The following STK11IP variants were observed in gnomAD, a reference collection of about 807,000 sequenced individuals.
The protein encoded by STK11IP is serine/threonine kinase 11 interacting protein, also known as serine/threonine-protein kinase 11-interacting protein.
Under a neutral mutation model 131.7 loss-of-function variants are expected in STK11IP, and 103 were observed. That is an observed-to-expected ratio of 0.78 (90% confidence interval 0.67 to 0.92). The LOEUF (loss-of-function observed/expected upper bound fraction) is 0.92. Ranked by LOEUF, STK11IP falls within the 40% of genes least tolerant of loss-of-function variation. The probability of loss-of-function intolerance (pLI) is 0.00; values close to 1 mark genes in which losing one functional copy is unlikely to be tolerated. For missense variants in STK11IP, 1,315 were observed against 1,385.7 expected, an observed-to-expected ratio of 0.95 and a Z score of 0.81; for synonymous variants, 557 against 575.6, an observed-to-expected ratio of 0.97 and a Z score of 0.46.
intron 7 of STK11IP, among the ~76,000 whole-genome samples, chr2:219,603,655 G>C (rs1271581972): frequency 6.6e-6 from 1 of 151,760 alleles, no homozygotes; most frequent in Non-Finnish European, 1.5e-5. Context: ...CGAGTAGCTG[G>C]GATTACAGGT....
intron 7 of STK11IP, among the ~76,000 whole-genome samples, chr2:219,605,353 C>T (rs985394783): frequency 1.3e-5 from 2 of 152,210 alleles, no homozygotes; most frequent in African/African-American, 4.8e-5. Flanking sequence ...CTTTTGGCAG[C>T]TTTGACTTTT....
chr2:219,615,529 A>C (rs2106170022), intron 24 of STK11IP, among the ~76,000 whole-genome samples, 188 bp downstream of exon 24: 1 of 152,288 alleles, frequency 6.6e-6, no homozygotes, highest in Non-Finnish European at 1.5e-5. Context: ...CAAGTCAGGG[A>C]GGCAGCTGTA....
intron 15 of STK11IP, 37 bp from the exon 16 acceptor site, chr2:219,609,060 C>T (rs1052087564): frequency 3.4e-6 from 5 of 1,471,102 alleles, no homozygotes; most frequent in Non-Finnish European, 3.7e-6. Flanking sequence ...ATCACCGCCC[C>T]TGCTGTTTTT....
rs1355758264 is a variant in STK11IP, at chr2:219,608,313, G to T, written c.1486G>T (p.Glu496Ter). Reference protein sequence around the residue: ...MSEEVRAEPQEEEEEKEGKEE... With the variant: ...MSEEVRAEPQ ...AGAGGAGGTCAGGGCGGAGCCACAG[G>T]AGGAGGAAGAGGAGAAGGAGGGGAA... The change falls in exon 14 of 25, where the codon GAG (glutamate) becomes TAG (stop). Residue 496 changes from glutamate (E) to a stop codon, truncating the protein, a stop_gained. Coordinates refer to ENST00000456909, the MANE Select transcript of STK11IP (RefSeq NM_052902.4). LOFTEE classifies it high-confidence loss of function. 6.2e-7 allele frequency: 1 copy of T among 1,605,292 alleles called. No homozygotes were observed. The highest frequency in any genetic ancestry group is 1.7e-5 in the Admixed American group (1 of 58,272).
rs771356049 is a variant in STK11IP at position 219,608,171 on chromosome 2, C to A, written c.1344C>A (p.Pro448=). The A allele has an allele frequency of 3.7e-6, 6 of 1,613,664 alleles. No homozygotes were observed. Among genetic ancestry groups the A allele is most frequent in the South Asian group, 1.1e-5 (1 of 91,082 alleles). The change falls in exon 14 of 25, where the codon CCC becomes CCA. Residue 448 remains proline (P), a synonymous_variant. Coordinates refer to ENST00000456909, the MANE Select transcript of STK11IP (RefSeq NM_052902.4). Reference sequence around the variant, plus strand: ...CCGGAAACCCTCTGCCGGCCACCCCCACTACTTCTGCACCCAGTGCACCTC... The same window carrying A: ...CCGGAAACCCTCTGCCGGCCACCCCAACTACTTCTGCACCCAGTGCACCTC... ...EPSGNPLPAT[P]TTSAPSAPPA...
chr2:219,598,560 G>A (rs1697875900), intron 2 of STK11IP: 1 of 181,212 alleles, frequency 5.5e-6, no homozygotes, highest in South Asian at 1.8e-4. Context: ...GACCCACTTG[G>A]GTTGGAATAT....
At position 219,613,764 on chromosome 2, in the gene STK11IP, TAGC is replaced by T. The variant is rs1298927096; in HGVS notation, c.2551_2553del (p.Ser851del). 1 of 1,612,398 alleles carries T rather than the reference TAGC, an allele frequency of 6.2e-7. No individual in the cohort carries two copies. Among genetic ancestry groups the T allele is most frequent in the South Asian group, 1.1e-5 (1 of 91,086 alleles). On this transcript the variant is annotated inframe_deletion, in exon 21 of 25. Transcript: ENST00000456909. ...CCTCTCTCCACAGTGAGCCTCCAGCTAGCTGGCTGCAGCTGACCCTGGCTGTTC... is the reference window on the plus strand; with the variant it reads ...CCTCTCTCCACAGTGAGCCTCCAGCTTGGCTGCAGCTGACCCTGGCTGTTC...
At chr2:219,615,032 G>GCTGGCCCCAGGGATCTGGGCCC (rs1698527715) in intron 23 of STK11IP, 62 bp from the exon 24 acceptor site, 4 of 1,550,070 alleles carry the variant, frequency 2.6e-6, no homozygotes, top group Non-Finnish European at 2.6e-6. Flanking sequence ...GCACTGGGAC[G>GCTGGCCCCAGGGATCTGGGCCC]CTGGCCCCAG....
Position 219,608,337 on chromosome 2 carries a change from A to G in STK11IP, c.1510A>G (p.Lys504Glu). Residue 504 changes from lysine (K) to glutamate (E), a missense_variant, in exon 14 of 25, where the codon AAG becomes GAG. By Grantham distance (56) the Lys-to-Glu change is moderately conservative. Coordinates refer to ENST00000456909, the MANE Select transcript of STK11IP (RefSeq NM_052902.4). Reference sequence around the variant, plus strand: ...GGAGGAGGAAGAGGAGAAGGAGGGGAAGGAGGAGAAGGAGGAGGGGGAGAT... The same window carrying G: ...GGAGGAGGAAGAGGAGAAGGAGGGGGAGGAGGAGAAGGAGGAGGGGGAGAT... ...PQEEEEEKEG[K>E]EEKEEGEMVE... 6.3e-7 allele frequency: 1 copy of G among 1,587,078 alleles called. No homozygotes were observed. Among genetic ancestry groups the G allele is most frequent in the East Asian group, 2.3e-5 (1 of 43,462 alleles).
chr2:219,615,393 G>A (rs538098780), intron 24 of STK11IP, 52 bp downstream of exon 24: 91 of 1,564,438 alleles, frequency 5.8e-5, no homozygotes, highest in Middle Eastern at 2.3e-4. Flanking sequence ...GGTGAGCACA[G>A]GTTGGGGCCA....
At position 219,610,664 on chromosome 2, in the gene STK11IP, G is replaced by T. The variant is rs1441647440; in HGVS notation, c.2105-940G>T. Among the ~76,000 whole-genome samples the T allele has an allele frequency of 3.9e-5, 6 of 152,336 alleles. No individual in the cohort carries two copies. The East Asian group carries it at 7.7e-4, about 20-fold the overall frequency. Reference sequence around the variant, plus strand: ...TCTGCCCACCTTGGCCTCCCAAAGTGCTGGGATTACAGGCGTGAGCCACCA... The same window carrying T: ...TCTGCCCACCTTGGCCTCCCAAAGTTCTGGGATTACAGGCGTGAGCCACCA... On this transcript the variant is annotated intron_variant, in intron 17 of 24. Transcript: ENST00000456909.
In STK11IP at chr2:219,616,448, C is replaced by G. The variant is rs1197660857; in HGVS notation, c.*255C>G. The G allele has an allele frequency of 1.5e-5, 7 of 456,386 alleles. No individual in the cohort carries two copies. Among genetic ancestry groups the G allele is most frequent in the African/African-American group, 9.7e-5 (5 of 51,528 alleles). The allele number at this position is 456,386 out of a possible 1,614,324, so 28.3% of individuals were successfully genotyped here. ...GGTATCAATAAAGTTGTTTCCAACT[C>G]ATAGGTCATGTGTGGTACTTAGAGT... is the stretch of plus-strand genomic sequence containing the variant. On this transcript the variant is annotated 3_prime_UTR_variant, in exon 25 of 25. Transcript: ENST00000456909.
chr2:219,614,184 G>T lies in STK11IP; in HGVS notation c.2740G>T (p.Ala914Ser). ...LLDVLQSLPP[A>S]WRNCVSATEE... ...AGATGTCTTGCAGTCTCTGCCCCCTGCCTGGAGGAACTGTGTCAGTGCCAC... is the reference window on the plus strand; with the variant it reads ...AGATGTCTTGCAGTCTCTGCCCCCTTCCTGGAGGAACTGTGTCAGTGCCAC... Residue 914 changes from alanine (A) to serine (S), a missense_variant, in exon 22 of 25, where the codon GCC (alanine) becomes TCC (serine). By Grantham distance (99) the Ala-to-Ser change is moderately conservative (BLOSUM62 1). Transcript: ENST00000456909. The T allele has an allele frequency of 6.2e-7, 1 of 1,613,480 alleles. No homozygotes were observed. Among genetic ancestry groups the T allele is most frequent in the Non-Finnish European group, 8.5e-7 (1 of 1,179,736 alleles).
In STK11IP at chr2:219,612,261, G is replaced by A. The variant is rs142414953; in HGVS notation, c.2439+203G>A. Among the ~76,000 whole-genome samples the A allele has an allele frequency of 1.4e-3, 212 of 152,324 alleles. 1 individual carries two copies. The highest frequency in any genetic ancestry group is 4.9e-3 in the African/African-American group (202 of 41,568). On this transcript the variant is annotated intron_variant, in intron 19 of 24. Coordinates refer to ENST00000456909, the MANE Select transcript of STK11IP (RefSeq NM_052902.4). ...GTTGCCTGTCTGCAATGGAGATAAC[G>A]ATGCCTCCCTTACACAGTGGCGTGC... is the stretch of plus-strand genomic sequence containing the variant.
In STK11IP at chr2:219,611,805, G is replaced by A. The variant is rs779801551; in HGVS notation, c.2306G>A (p.Arg769His). 3.0e-5 allele frequency: 49 copies of A among 1,612,778 alleles called. No homozygotes were observed. The highest frequency in any genetic ancestry group is 4.0e-5 in the Non-Finnish European group (47 of 1,179,718). Residue 769 changes from arginine to histidine, a missense_variant, in exon 18 of 25, where the codon CGT becomes CAT. Transcript: ENST00000456909. The part of the protein sequence containing the change: ...KNSPPQAPST[R>H]DHGSWSLSPP... ...AGCCCACCTCAGGCACCGAGCACCCGTGACCATGGTAGTTGGAGCCTCAGT... is the reference window on the plus strand; with the variant it reads ...AGCCCACCTCAGGCACCGAGCACCCATGACCATGGTAGTTGGAGCCTCAGT...
chr2:219,615,337 A>T lies in STK11IP; in HGVS notation c.3113A>T (p.Asp1038Val). The change falls in exon 24 of 25, where the codon GAT becomes GTT. Residue 1038 changes from aspartate (D) to valine (V), a missense_variant. Asp to Val is a radical substitution (Grantham distance 152). Coordinates refer to ENST00000456909, the MANE Select transcript of STK11IP (RefSeq NM_052902.4). ...GAGGACTTGCGGCTGCTCTTCTACG[A>T]TGAGGTGTGTATGTGTATCTCCAGT... ...APEDLRLLFY[D>V]EVSRLESFWA... 1 of 1,600,350 alleles carries T rather than the reference A, an allele frequency of 6.2e-7. No individual in the cohort carries two copies. The highest frequency in any genetic ancestry group is 8.5e-7 in the Non-Finnish European group (1 of 1,178,738).
In STK11IP at chr2:219,601,214, T is replaced by C. The variant is rs369538650; in HGVS notation, c.62-21T>C. On this transcript the variant is annotated intron_variant, in intron 2 of 24. Transcript: ENST00000456909. The stretch of plus-strand genomic sequence containing the variant: ...AATCTTTTCACTGTGTCTTCCCTCC[T>C]GTTTGCCCCTTTTTCTGCAGGGGAT... 15 of 1,599,676 alleles carry C rather than the reference T, an allele frequency of 9.4e-6. No homozygotes were observed. The African/African-American group carries it at 1.6e-4, about 17-fold the overall frequency.
chr2:219,604,775 G>A (rs551679687), intron 7 of STK11IP, among the ~76,000 whole-genome samples: 11 of 152,000 alleles, frequency 7.2e-5, no homozygotes, highest in Non-Finnish European at 1.3e-4. Flanking sequence ...TTGCAGTCAC[G>A]GTTATTTCCC....
Position 219,610,398 on chromosome 2 carries a change from ATT to A in STK11IP, c.2104+868_2104+869del, listed in dbSNP as rs11358721. Among the ~76,000 whole-genome samples the A allele has an allele frequency of 1.7e-4, 26 of 149,210 alleles. No homozygotes were observed. The South Asian group carries it at 3.2e-3, about 18-fold the overall frequency. On this transcript the variant is annotated intron_variant, in intron 17 of 24. Coordinates refer to ENST00000456909, the MANE Select transcript of STK11IP (RefSeq NM_052902.4). Reference sequence around the variant, plus strand: ...TTACTGTGGGCTCTGTTCTCCTTTAATTTTTTTTTTTCTTTTTTTTTTGAGAC... The same window carrying A: ...TTACTGTGGGCTCTGTTCTCCTTTAATTTTTTTTTCTTTTTTTTTTGAGAC...
Sources: allele counts gnomAD v4.1 joint callset (sites outside exome capture counted in the v4.1 genomes callset), GRCh38; gene constraint gnomAD v4.1.1; transcripts MANE v1.5; gene names NCBI Gene and HGNC (gene_info 2026-07-23, HGNC 2026-07-21).